Variants in CHIA observed in about 807,000 individuals in gnomAD.
CHIA encodes chitinase acidic.
A neutral mutation model predicts 53.5 loss-of-function variants in CHIA; 47 were observed. The observed-to-expected ratio is 0.88, with a 90% CI of 0.70 to 1.12. The LOEUF (loss-of-function observed/expected upper bound fraction) is 1.12. Ranked by LOEUF, CHIA falls within the 50% of genes most tolerant of loss-of-function variation. The pLI, the probability that CHIA is intolerant of heterozygous loss-of-function variation, is 0.00. For synonymous variants in CHIA, 268 were observed against 222.2 expected (o/e 1.21, Z -1.83); for missense variants, 652 against 592.2 (o/e 1.10, Z -1.05).
chr1:111,297,624 C>T (rs1002423601), intron 1 of CHIA, among the ~76,000 whole-genome samples: 12 of 152,062 alleles, frequency 7.9e-5, no homozygotes, highest in African/African-American at 2.4e-4. Context: ...CAAAAACATG[C>T]CCAATTGTAA....
intron 4 of CHIA, among the ~76,000 whole-genome samples, chr1:111,313,381 T>C (rs371952231): frequency 3.3e-5 from 5 of 152,244 alleles, no homozygotes; most frequent in African/African-American, 1.2e-4. Flanking sequence ...GATTTTGATA[T>C]GTATTTCTCT....
In CHIA at chr1:111,297,901, C is replaced by CAA. The variant is rs1188512345; in HGVS notation, c.-69+6974_-69+6975dup. 9.1e-3 allele frequency among the ~76,000 whole-genome samples: 289 copies of CAA among 31,848 alleles called. 30 individuals are homozygous for CAA. The highest frequency in any genetic ancestry group is 0.033 in the Middle Eastern group (1 of 30). 20.9% of individuals were successfully genotyped at this position (31,848 alleles called of 152,430 possible). On this transcript the variant is annotated intron_variant, in intron 1 of 11. Transcript: ENST00000369740. ...GAAGATCTACCAAGCAAATGGAAAGCAAAAAAAAAAAAAAAAAAAAAAAAC... is the reference window on the plus strand; with the variant it reads ...GAAGATCTACCAAGCAAATGGAAAGCAAAAAAAAAAAAAAAAAAAAAAAAAAC...
chr1:111,314,475 A>G (rs1648977806), intron 4 of CHIA, 65 bp from the exon 5 acceptor site: 14 of 1,097,234 alleles, frequency 1.3e-5, no homozygotes, highest in Non-Finnish European at 2.0e-5. Context: ...CACTAAAGCA[A>G]TGTATTTTAA....
At chr1:111,311,322 G>T (rs926918864) in intron 2 of CHIA, among the ~76,000 whole-genome samples, 3 of 152,186 alleles carry the variant, frequency 2.0e-5, no homozygotes, top group African/African-American at 7.2e-5. Context: ...TGCCTTATCT[G>T]TTGGAAGGCT....
chr1:111,319,570 T>C, intron 11 of CHIA, 102 bp downstream of exon 11: 4 of 1,115,652 alleles, frequency 3.6e-6, no homozygotes, highest in Non-Finnish European at 5.2e-6. Flanking sequence ...AGGGATCCTC[T>C]TTCCACTTCA....
chr1:111,306,695 C>T (rs752755862), intron 1 of CHIA, among the ~76,000 whole-genome samples: 10 of 152,112 alleles, frequency 6.6e-5, no homozygotes, highest in East Asian at 1.9e-4. Context: ...GTTCAATGCA[C>T]GTAACTGAAA....
At position 111,295,219 on chromosome 1, in the gene CHIA, C is replaced by T. The variant is rs1661266347; in HGVS notation, c.-69+4269C>T. On this transcript the variant is annotated intron_variant, in intron 1 of 11. Coordinates refer to ENST00000369740, the MANE Select transcript of CHIA (RefSeq NM_201653.4). The stretch of plus-strand genomic sequence containing the variant: ...TTTCTGAGACAGGATCTCACTCTGT[C>T]ACCCAGGCTGGAATGCAGTGGCACA... 1.3e-5 allele frequency among the ~76,000 whole-genome samples: 2 copies of T among 152,256 alleles called. 1 individual carries two copies. Among genetic ancestry groups the T allele is most frequent in the South Asian group, 4.1e-4 (2 of 4,824 alleles).
At position 111,319,379 on chromosome 1, in the gene CHIA, A is replaced by G. The variant is rs1304757445; in HGVS notation, c.1088A>G (p.Asp363Gly). The change falls in exon 11 of 12, where the codon GAT becomes GGT. Residue 363 changes from aspartate to glycine, a missense_variant. Transcript: ENST00000369740. Reference protein sequence around the residue: ...KFGGAMVWAIDLDDFTGTFCN... With the variant: ...KFGGAMVWAIGLDDFTGTFCN... Reference sequence around the variant, plus strand: ...GGAGGCGCCATGGTCTGGGCCATTGATCTGGATGACTTCACTGGCACTTTC... The same window carrying G: ...GGAGGCGCCATGGTCTGGGCCATTGGTCTGGATGACTTCACTGGCACTTTC... 9 of 1,614,198 alleles carry G rather than the reference A, an allele frequency of 5.6e-6. No homozygotes were observed. The Admixed American group carries it at 1.3e-4, about 24-fold the overall frequency.
rs147103194 is a variant in CHIA, at chr1:111,318,080, G to A, written c.700G>A (p.Asp234Asn). The A allele has an allele frequency of 3.5e-5, 57 of 1,613,364 alleles. No individual in the cohort carries two copies. Among genetic ancestry groups the A allele is most frequent in the Admixed American group, 5.0e-5 (3 of 59,994 alleles). Residue 234 changes from aspartate (D) to asparagine (N), a missense_variant, in exon 8 of 12, where the codon GAC (aspartate) becomes AAC (asparagine). By Grantham distance (23) the Asp-to-Asn change is conservative. Transcript: ENST00000369740. ...CAGCCCCCTCTACAAATACCCGACT[G>A]ACACCGGCAGCAACGCCTACCTCAA... ...ENSPLYKYPT[D>N]TGSNAYLNVD...
At position 111,314,601 on chromosome 1, in the gene CHIA, G is replaced by GTCT. The variant is rs1046359329; in HGVS notation, c.314+9_314+11dup. The GTCT allele has an allele frequency of 1.2e-6, 2 of 1,610,132 alleles. No homozygotes were observed. Among genetic ancestry groups the GTCT allele is most frequent in the Non-Finnish European group, 1.7e-6 (2 of 1,176,384 alleles). ...CTGGAACTTCGGGACTGCCCCGTAA[G>GTCT]TCTTCTATGGAGAGCATGTTGTTCG... On this transcript the variant is annotated splice_donor_region_variant and intron_variant, in intron 5 of 11. Coordinates refer to ENST00000369740, the MANE Select transcript of CHIA (RefSeq NM_201653.4).
At chr1:111,293,152 C>T (rs998475381) in intron 1 of CHIA, among the ~76,000 whole-genome samples, 2 of 152,044 alleles carry the variant, frequency 1.3e-5, no homozygotes, top group African/African-American at 4.8e-5. Flanking sequence ...TTTTTAGGAA[C>T]TTCCATACTG....
intron 4 of CHIA, among the ~76,000 whole-genome samples, chr1:111,312,638 T>C (rs1648781827): frequency 6.6e-6 from 1 of 152,230 alleles, no homozygotes; most frequent in Admixed American, 6.5e-5. Flanking sequence ...AAATACTTAA[T>C]GTTTTTTGTG....
At position 111,318,968 on chromosome 1, in the gene CHIA, A is replaced by G; in HGVS notation, c.916-152A>G. The G allele has an allele frequency of 6.2e-6, 7 of 1,126,152 alleles. 1 individual carries two copies. In the South Asian group the frequency reaches 1.2e-4, roughly 20 times the overall value. The allele number at this position is 1,126,152 out of a possible 1,614,324, so 69.8% of individuals were successfully genotyped here. On this transcript the variant is annotated intron_variant, in intron 9 of 11. Transcript: ENST00000369740. ...CTGTGGGTTCCCAAAATCATTTGAC[A>G]AGCAACTTGATCCTCTTTACTACAA...
At chr1:111,303,338 T>C (rs1647908477) in intron 1 of CHIA, among the ~76,000 whole-genome samples, 1 of 152,140 alleles carries the variant, frequency 6.6e-6, no homozygotes, top group Non-Finnish European at 1.5e-5. Flanking sequence ...CACTCATTTC[T>C]GGCATTATTG....
At chr1:111,297,262 A>G (rs536936773) in intron 1 of CHIA, among the ~76,000 whole-genome samples, 3 of 152,180 alleles carry the variant, frequency 2.0e-5, no homozygotes, top group Non-Finnish European at 4.4e-5. Context: ...CAATCCCAAG[A>G]CGCATAATAG....
chr1:111,298,196 G>T (rs1647366535), intron 1 of CHIA, among the ~76,000 whole-genome samples: 1 of 152,058 alleles, frequency 6.6e-6, no homozygotes, highest in Non-Finnish European at 1.5e-5. Context: ...GAGACAGAAG[G>T]TTAACAAGGA....
At chr1:111,308,828 T>C (rs78195525) in intron 1 of CHIA, among the ~76,000 whole-genome samples, 1,740 of 152,354 alleles carry the variant, frequency 0.011, 27 homozygotes, top group African/African-American at 0.04. Flanking sequence ...TTTTTGATTC[T>C]GTGAGTTTCT....
At chr1:111,301,705 CA>C (rs35562130) in intron 1 of CHIA, among the ~76,000 whole-genome samples, 7,034 of 104,944 alleles carry the variant, frequency 0.067, 137 homozygotes, top group South Asian at 0.11. Flanking sequence ...ACTCTCTCTC[CA>C]AAAAAAAAAA....
intron 1 of CHIA, among the ~76,000 whole-genome samples, chr1:111,291,623 C>A (rs1416482000): frequency 3.3e-5 from 5 of 151,790 alleles, no homozygotes; most frequent in African/African-American, 1.2e-4. Context: ...CACACGTATA[C>A]CTATGTAACA....
Sources: allele counts gnomAD v4.1 joint callset (sites outside exome capture counted in the v4.1 genomes callset), GRCh38; gene constraint gnomAD v4.1.1; transcripts MANE v1.5; gene names NCBI Gene and HGNC (gene_info 2026-07-23, HGNC 2026-07-21).